The following ZMAT5 variants were observed in gnomAD, a reference collection of about 807,000 sequenced individuals.
The protein encoded by ZMAT5 is zinc finger matrin-type protein 5.
A neutral mutation model predicts 28.0 loss-of-function variants in ZMAT5; 23 were observed. That is an observed-to-expected ratio of 0.82 (90% confidence interval 0.59 to 1.16). The LOEUF (loss-of-function observed/expected upper bound fraction) is 1.16, where lower values mean the gene tolerates loss of function less well. Ranked by LOEUF, ZMAT5 falls within the 50% of genes most tolerant of loss-of-function variation. ZMAT5 has a pLI of 0.00. For synonymous variants in ZMAT5, 76 were observed against 84.1 expected, an observed-to-expected ratio of 0.90 and a Z score of 0.52; for missense variants, 173 against 212.7, an observed-to-expected ratio of 0.81 and a Z score of 1.16.
intron 2 of ZMAT5, chr22:29,747,017 T>A (rs887446623): frequency 2.0e-5 from 3 of 152,072 alleles, no homozygotes; most frequent in Admixed American, 2.0e-4. Context: ...CACTTGAACC[T>A]CTGAGCCTCA....
chr22:29,741,186 A>G (rs373349494), intron 3 of ZMAT5, among the ~76,000 whole-genome samples: 16 of 152,328 alleles, frequency 1.1e-4, no homozygotes, highest in South Asian at 4.1e-4. Context: ...TGCTCCTTAG[A>G]AAGGCTTCAG....
At chr22:29,732,884 A>T (rs1297487439) in intron 5 of ZMAT5, among the ~76,000 whole-genome samples, 2 of 152,106 alleles carry the variant, frequency 1.3e-5, no homozygotes. Flanking sequence ...ACCAGGGGAT[A>T]GGGGTAAGGT....
intron 1 of ZMAT5, among the ~76,000 whole-genome samples, chr22:29,757,242 G>GA (rs35439925): frequency 0.079 from 8,851 of 111,534 alleles, 358 homozygotes; most frequent in Middle Eastern, 0.12. Flanking sequence ...GGACTTCACA[G>GA]AAAAAAAAAA....
chr22:29,755,513 G>A (rs1331369252), intron 1 of ZMAT5, among the ~76,000 whole-genome samples: 1 of 152,090 alleles, frequency 6.6e-6, no homozygotes, highest in Non-Finnish European at 1.5e-5. Flanking sequence ...GGGATGGTGG[G>A]TGAGGGGTGA....
intron 5 of ZMAT5, among the ~76,000 whole-genome samples, chr22:29,732,883 TA>T (rs1444135867): frequency 2.6e-5 from 4 of 152,008 alleles, no homozygotes; most frequent in Middle Eastern, 3.2e-3. Context: ...GACCAGGGGA[TA>T]GGGGTAAGGT....
chr22:29,764,553 T>G (rs1222365006), intron 1 of ZMAT5, among the ~76,000 whole-genome samples: 2 of 152,140 alleles, frequency 1.3e-5, no homozygotes, highest in South Asian at 2.1e-4. Flanking sequence ...CAGGCTGGAG[T>G]GCAGTGACGC....
chr22:29,735,076 C>CG (rs929306621), intron 5 of ZMAT5, among the ~76,000 whole-genome samples: 4 of 151,960 alleles, frequency 2.6e-5, no homozygotes, highest in African/African-American at 9.7e-5. Context: ...GGTAGCCTTG[C>CG]GGGGGCTGGG....
At chr22:29,751,104 G>A (rs1470944799) in intron 1 of ZMAT5, among the ~76,000 whole-genome samples, 2 of 152,170 alleles carry the variant, frequency 1.3e-5, no homozygotes, top group Non-Finnish European at 2.9e-5. Context: ...TTTAACGGCC[G>A]AGTGCTAAAC....
At chr22:29,740,956 C>A (rs1416403554) in intron 3 of ZMAT5, among the ~76,000 whole-genome samples, 1 of 152,208 alleles carries the variant, frequency 6.6e-6, no homozygotes, top group Non-Finnish European at 1.5e-5. Flanking sequence ...TCTCCAGCTG[C>A]CCCCCATGCT....
Position 29,761,401 on chromosome 22 carries a change from A to G in ZMAT5, c.-28+5471T>C, listed in dbSNP as rs752569945. 5.3e-5 allele frequency among the ~76,000 whole-genome samples: 8 copies of G among 152,154 alleles called. No homozygotes were observed. The East Asian group carries it at 1.5e-3, about 29-fold the overall frequency. ...AAACCAGCCTGGGCAACATAGGGGA[A>G]CCTTGTCTCTACAAATAATTTTTAA... On this transcript the variant is annotated intron_variant, in intron 1 of 5. Coordinates refer to ENST00000344318, the MANE Select transcript of ZMAT5 (RefSeq NM_001003692.2).
At chr22:29,750,992 T>C (rs1397638915) in intron 1 of ZMAT5, among the ~76,000 whole-genome samples, 1 of 152,186 alleles carries the variant, frequency 6.6e-6, no homozygotes, top group African/African-American at 2.4e-5. Context: ...AGGGACCGTG[T>C]CCCAGACACG....
chr22:29,736,048 G>A (rs2067900993), intron 5 of ZMAT5, among the ~76,000 whole-genome samples: 1 of 152,248 alleles, frequency 6.6e-6, no homozygotes, highest in South Asian at 2.1e-4. Context: ...CCAGAGCAGG[G>A]AGGCGAGTGG....
In ZMAT5 at chr22:29,739,326, C is replaced by T. The variant is rs151112200; in HGVS notation, c.272-885G>A. ...TGGGCCAGAGGAAAGTAATCATACA[C>T]TTGACTAGCACTCACTCAGAGCCAG... On this transcript the variant is annotated intron_variant, in intron 4 of 5. Coordinates refer to ENST00000344318, the MANE Select transcript of ZMAT5 (RefSeq NM_001003692.2). Among the ~76,000 whole-genome samples the T allele has an allele frequency of 7.5e-3, 1,147 of 152,290 alleles. 5 individuals carry two copies. Among genetic ancestry groups the T allele is most frequent in the South Asian group, 0.011 (54 of 4,826 alleles).
At chr22:29,759,891 C>T (rs554251775) in intron 1 of ZMAT5, among the ~76,000 whole-genome samples, 2 of 151,938 alleles carry the variant, frequency 1.3e-5, no homozygotes, top group South Asian at 4.2e-4. Context: ...CATGGTGAAA[C>T]CCTGTCTCTA....
intron 4 of ZMAT5, among the ~76,000 whole-genome samples, chr22:29,740,209 G>C (rs2067948537): frequency 6.6e-6 from 1 of 152,116 alleles, no homozygotes; most frequent in South Asian, 2.1e-4. Context: ...CCCCTCCCTG[G>C]AATCACCAGG....
At chr22:29,745,498 G>A (rs2068001501) in intron 2 of ZMAT5, among the ~76,000 whole-genome samples, 1 of 152,176 alleles carries the variant, frequency 6.6e-6, no homozygotes, top group Non-Finnish European at 1.5e-5. Context: ...TGGGAGCCGC[G>A]GACATGCTGA....
intron 2 of ZMAT5, chr22:29,748,113 C>T (rs2068025297): frequency 2.5e-6 from 1 of 403,780 alleles, no homozygotes; most frequent in Non-Finnish European, 4.7e-6. Context: ...CTCAGGGCTG[C>T]CTGCTTCTCT....
At chr22:29,733,400 A>T (rs1231489105) in intron 5 of ZMAT5, among the ~76,000 whole-genome samples, 1 of 152,080 alleles carries the variant, frequency 6.6e-6, no homozygotes, top group Non-Finnish European at 1.5e-5. Context: ...GCACCCACCC[A>T]ACCTGCCCCT....
At chr22:29,745,950 C>T (rs1169717181) in intron 2 of ZMAT5, among the ~76,000 whole-genome samples, 1 of 152,178 alleles carries the variant, frequency 6.6e-6, no homozygotes, top group Non-Finnish European at 1.5e-5. Context: ...GGTGAGGGAA[C>T]CCACTGCCCT....
Sources: gnomAD v4.1 joint callset for allele counts (sites outside exome capture counted in the v4.1 genomes callset) on GRCh38, gnomAD v4.1.1 for gene constraint, MANE v1.5 for transcripts, NCBI Gene and HGNC (gene_info 2026-07-23, HGNC 2026-07-21) for gene names.